Variants in GYPE observed in about 807,000 individuals in gnomAD.
GYPE encodes the protein glycophorin-E.
Under a neutral mutation model 11.6 loss-of-function variants are expected in GYPE, and 8 were observed. That is an observed-to-expected ratio of 0.69 (90% CI 0.41 to 1.25). The LOEUF (loss-of-function observed/expected upper bound fraction) is 1.25, where lower values mean the gene tolerates loss of function less well. Among genes scored for constraint, GYPE ranks in the 50% most tolerant of loss-of-function variants. The pLI is 0.01. For synonymous variants in GYPE, 28 were observed against 29.6 expected (o/e 0.94, Z 0.18); for missense variants, 90 against 92.8 (o/e 0.97, Z 0.12).
At position 143,871,987 on chromosome 4, in the gene GYPE, G is replaced by A. The variant is rs1442313539; in HGVS notation, c.*275C>T. On this transcript the variant is annotated 3_prime_UTR_variant, in exon 4 of 4. Coordinates refer to ENST00000358615, the MANE Select transcript of GYPE (RefSeq NM_198682.3). Reference sequence around the variant, plus strand: ...GGCAAGGGGACACCAAACACAATGAGGCATGGGATAAGGATTTCGTGATGA... The same window carrying A: ...GGCAAGGGGACACCAAACACAATGAAGCATGGGATAAGGATTTCGTGATGA... 6.6e-6 allele frequency: 1 copy of A among 152,140 alleles called. No homozygotes were observed. The highest frequency in any genetic ancestry group is 2.4e-5 in the African/African-American group (1 of 41,398). The allele number at this position is 152,140 out of a possible 1,614,324, so 9.4% of individuals were successfully genotyped here. A position where few individuals can be genotyped will look rare whatever the true frequency, so the allele number is the denominator to read the frequency against.
chr4:143,883,035 C>A (rs569157634), intron 1 of GYPE, among the ~76,000 whole-genome samples: 1 of 152,206 alleles, frequency 6.6e-6, no homozygotes, highest in East Asian at 1.9e-4. Context: ...GAAATGTAAT[C>A]CCCAATGTTG....
chr4:143,883,583 A>G (rs1384790690), intron 1 of GYPE, among the ~76,000 whole-genome samples: 1 of 144,624 alleles, frequency 6.9e-6, no homozygotes, highest in Non-Finnish European at 1.5e-5. Flanking sequence ...GTAATTAATT[A>G]TGAATTAATA....
chr4:143,891,545 A>G (rs1744406391), intron 1 of GYPE, among the ~76,000 whole-genome samples: 1 of 151,758 alleles, frequency 6.6e-6, no homozygotes, highest in Non-Finnish European at 1.5e-5. Flanking sequence ...AGCCAGGACG[A>G]TCTTGATCTC....
chr4:143,891,388 G>A (rs546371293), intron 1 of GYPE, among the ~76,000 whole-genome samples: 1 of 148,292 alleles, frequency 6.7e-6, no homozygotes, highest in East Asian at 2.0e-4. Context: ...GAGTGCAGTG[G>A]CCTGATCTCG....
intron 3 of GYPE, 27 bp from the exon 4 acceptor site, chr4:143,872,279 C>T (rs1743643948): frequency 6.6e-6 from 1 of 152,522 alleles, no homozygotes; most frequent in African/African-American, 2.4e-5. Context: ...AGCTGTATAG[C>T]TTTCATTTAC....
chr4:143,874,303 C>T (rs1743717267), intron 3 of GYPE, among the ~76,000 whole-genome samples: 1 of 151,850 alleles, frequency 6.6e-6, no homozygotes, highest in Non-Finnish European at 1.5e-5. Context: ...TCCCACAGCC[C>T]CCTCACCCAC....
chr4:143,893,523 C>T (rs1427383858), intron 1 of GYPE, among the ~76,000 whole-genome samples: 1 of 151,968 alleles, frequency 6.6e-6, no homozygotes, highest in Non-Finnish European at 1.5e-5. Flanking sequence ...CAAAATCTCT[C>T]AGCATTTGCT....
chr4:143,899,273 T>C (rs540641192), intron 1 of GYPE, among the ~76,000 whole-genome samples: 47 of 151,610 alleles, frequency 3.1e-4, no homozygotes, highest in African/African-American at 1.1e-3. Flanking sequence ...CATAACATAT[T>C]CTCCAAGTGC....
chr4:143,888,095 T>A (rs865917118), intron 1 of GYPE, among the ~76,000 whole-genome samples: 24 of 83,164 alleles, frequency 2.9e-4, no homozygotes, highest in Middle Eastern at 8.8e-3. Flanking sequence ...CATTGTACCA[T>A]GGAGGTGGGG....
At chr4:143,879,451 G>A (rs1013100302) in intron 2 of GYPE, among the ~76,000 whole-genome samples, 2 of 152,046 alleles carry the variant, frequency 1.3e-5, no homozygotes, top group Non-Finnish European at 2.9e-5. Flanking sequence ...TCTCTTTCTT[G>A]GTTACAGTTA....
At chr4:143,875,350 G>C in intron 3 of GYPE, 1 of 879,102 alleles carries the variant, frequency 1.1e-6, no homozygotes, top group Non-Finnish European at 1.8e-6. Context: ...TTTAGAAGTA[G>C]AGAATACAGT....
rs148562341 is a variant in GYPE, at chr4:143,905,084, T to C, written c.37+387A>G. The stretch of plus-strand genomic sequence containing the variant: ...GCAGAAATAGGAAATTATACCTTTT[T>C]AAAACTAAAAGCCATATAACACCTT... On this transcript the variant is annotated intron_variant, in intron 1 of 3. Transcript: ENST00000358615. Among the ~76,000 whole-genome samples, 6 of 152,290 alleles carry C rather than the reference T, an allele frequency of 3.9e-5. No homozygotes were observed. In the East Asian group the frequency reaches 1.2e-3, roughly 29 times the overall value.
chr4:143,883,402 T>C (rs1276989177), intron 1 of GYPE, among the ~76,000 whole-genome samples: 1 of 151,662 alleles, frequency 6.6e-6, no homozygotes, highest in African/African-American at 2.4e-5. Flanking sequence ...TATTTCTATA[T>C]AGCAGTGTGA....
intron 3 of GYPE, among the ~76,000 whole-genome samples, chr4:143,876,319 G>T (rs1228663189): frequency 1.3e-5 from 2 of 151,996 alleles, no homozygotes; most frequent in South Asian, 2.1e-4. Flanking sequence ...TCACCTTTTT[G>T]CTCAGGCTGG....
intron 1 of GYPE, among the ~76,000 whole-genome samples, chr4:143,895,645 T>G (rs75374415): frequency 0.92 from 120,476 of 131,406 alleles, 56,154 homozygotes; most frequent in South Asian, 1. Context: ...TCACAGAATT[T>G]GAAAAAACTA....
intron 1 of GYPE, among the ~76,000 whole-genome samples, chr4:143,904,670 A>T (rs982873046): frequency 6.6e-6 from 1 of 152,116 alleles, no homozygotes; most frequent in African/African-American, 2.4e-5. Context: ...GGATTACAGC[A>T]ATGTCTAATA....
At chr4:143,903,527 AAAAAAAAAAAAAAAAG>A (rs1286182486) in intron 1 of GYPE, among the ~76,000 whole-genome samples, 1 of 147,164 alleles carries the variant, frequency 6.8e-6, no homozygotes, top group Non-Finnish European at 1.5e-5. Flanking sequence ...TTCATAGCAA[AAAAAAAAAAAAAAAAG>A]AAAAAAAAAG....
intron 1 of GYPE, among the ~76,000 whole-genome samples, chr4:143,889,432 T>C (rs1744322126): frequency 6.6e-6 from 1 of 152,084 alleles, no homozygotes; most frequent in South Asian, 2.1e-4. Flanking sequence ...ACCAAATGGT[T>C]GGGGGATCTG....
rs1743642111 is a variant in GYPE at position 143,872,219 on chromosome 4, C to A, written c.*43G>T. The A allele has an allele frequency of 6.6e-6, 1 of 152,536 alleles. No individual in the cohort carries two copies. The highest frequency in any genetic ancestry group is 6.6e-5 in the Admixed American group (1 of 15,252). 9.4% of individuals were successfully genotyped at this position (152,536 alleles called of 1,614,324 possible). A position where few individuals can be genotyped will look rare whatever the true frequency, so the allele number is the denominator to read the frequency against. ...TAAAAAAATGTCCTTTCTTTGCTTT[C>A]TTCCTCTAATCTCAATCCCAGAGGC... On this transcript the variant is annotated 3_prime_UTR_variant, in exon 4 of 4. Transcript: ENST00000358615.
Sources: allele counts gnomAD v4.1 joint callset (sites outside exome capture counted in the v4.1 genomes callset), GRCh38; gene constraint gnomAD v4.1.1; transcripts MANE v1.5; gene names NCBI Gene and HGNC (gene_info 2026-07-23, HGNC 2026-07-21).